PTPRM: variants seen among roughly 807,000 people sequenced by gnomAD.
PTPRM encodes the protein protein tyrosine phosphatase receptor type M.
In PTPRM, 47 loss-of-function variants were observed where a neutral mutation model predicts 186.7. That is an observed-to-expected ratio of 0.25 (90% CI 0.20 to 0.32). PTPRM has a LOEUF of 0.32. PTPRM is among the 10% of genes least tolerant of loss of function. The probability of loss-of-function intolerance (pLI) is 1.00; values close to 1 mark genes in which losing one functional copy is unlikely to be tolerated. For synonymous variants in PTPRM, 668 were observed against 674.9 expected (o/e 0.99, Z 0.16); for missense variants, 1,494 against 1,865.0 (o/e 0.80, Z 3.66).
rs1020702540 is a variant in PTPRM, at chr18:7,894,580, C to T, written c.468+6203C>T. Among the ~76,000 whole-genome samples, 29 of 151,428 alleles carry T rather than the reference C, an allele frequency of 1.9e-4. 1 individual carries two copies. The highest frequency in any genetic ancestry group is 1.8e-3 in the Admixed American group (28 of 15,204). On this transcript the variant is annotated intron_variant, in intron 3 of 32. Coordinates refer to ENST00000580170, the MANE Select transcript of PTPRM (RefSeq NM_001105244.2). ...CAGCCTAGGGGGCAGAGCAAGACTC[C>T]GTCTCAGGAAAAATATATATATATA... is the stretch of plus-strand genomic sequence containing the variant.
intron 4 of PTPRM, among the ~76,000 whole-genome samples, chr18:7,919,153 T>C (rs2050722541): frequency 6.6e-6 from 1 of 152,148 alleles, no homozygotes; most frequent in Non-Finnish European, 1.5e-5. Flanking sequence ...TTGATCTATG[T>C]GTCTGTTTTT....
chr18:7,703,917 T>A (rs1457831853), intron 1 of PTPRM, among the ~76,000 whole-genome samples: 1 of 152,200 alleles, frequency 6.6e-6, no homozygotes, highest in Admixed American at 6.5e-5. Flanking sequence ...TTTTTCTGCA[T>A]CTTTTGATAT....
chr18:8,048,062 G>A (rs903971152), intron 7 of PTPRM, among the ~76,000 whole-genome samples: 1 of 152,114 alleles, frequency 6.6e-6, no homozygotes, highest in African/African-American at 2.4e-5. Flanking sequence ...CATTGCCTTT[G>A]TATTTTTTAA....
chr18:8,092,889 T>C (rs2090822654), intron 11 of PTPRM, among the ~76,000 whole-genome samples: 1 of 152,146 alleles, frequency 6.6e-6, no homozygotes, highest in African/African-American at 2.4e-5. Context: ...TAGGCATGGT[T>C]GTGTGTGCCT....
chr18:7,770,626 G>A (rs1387414956), intron 1 of PTPRM, among the ~76,000 whole-genome samples: 2 of 152,204 alleles, frequency 1.3e-5, no homozygotes, highest in Non-Finnish European at 2.9e-5. Context: ...GGGAGACTAA[G>A]TGATTTGTCT....
intron 1 of PTPRM, among the ~76,000 whole-genome samples, chr18:7,770,306 G>T (rs542233801): frequency 6.6e-6 from 1 of 152,138 alleles, no homozygotes; most frequent in East Asian, 1.9e-4. Context: ...CCTGTTCTTG[G>T]CACTTCCATG....
At chr18:7,793,874 A>G (rs2043465027) in intron 2 of PTPRM, among the ~76,000 whole-genome samples, 1 of 152,014 alleles carries the variant, frequency 6.6e-6, no homozygotes, top group African/African-American at 2.4e-5. Context: ...CTGGACATCG[A>G]GGGGAAAACA....
chr18:8,135,216 A>G (rs1178986298), intron 13 of PTPRM, among the ~76,000 whole-genome samples: 2 of 152,160 alleles, frequency 1.3e-5, no homozygotes, highest in East Asian at 3.8e-4. Flanking sequence ...TGATTCCACC[A>G]CGTTTGCCTC....
rs75390237 is a variant in PTPRM, at chr18:8,144,237, A to G, written c.2300+458A>G. ...CGTGCTAGGGAAGGTCATCAGCACA[A>G]CATCCATGAGAAAGAGAACCCGCAA... is the stretch of plus-strand genomic sequence containing the variant. On this transcript the variant is annotated intron_variant, in intron 14 of 32. Transcript: ENST00000580170. Among the ~76,000 whole-genome samples, 242 of 152,342 alleles carry G rather than the reference A, an allele frequency of 1.6e-3. 1 individual carries two copies. In the East Asian group the frequency reaches 0.039, roughly 25 times the overall value.
chr18:8,318,912 G>A (rs890530866), intron 21 of PTPRM, among the ~76,000 whole-genome samples: 1 of 152,210 alleles, frequency 6.6e-6, no homozygotes, highest in African/African-American at 2.4e-5. Flanking sequence ...GAATCCATAA[G>A]TTGTTAGTGT....
intron 32 of PTPRM, among the ~76,000 whole-genome samples, chr18:8,401,208 A>G (rs2095870577): frequency 6.6e-6 from 1 of 151,908 alleles, no homozygotes; most frequent in Non-Finnish European, 1.5e-5. Context: ...GCCCTCTCCA[A>G]CCTAGGGGAG....
chr18:7,673,859 G>T (rs1737608995), intron 1 of PTPRM, among the ~76,000 whole-genome samples: 1 of 152,222 alleles, frequency 6.6e-6, no homozygotes, highest in South Asian at 2.1e-4. Flanking sequence ...GGGACACTGG[G>T]GTGAGCCACA....
intron 1 of PTPRM, among the ~76,000 whole-genome samples, chr18:7,752,014 A>T (rs1211147622): frequency 2.0e-5 from 3 of 152,260 alleles, no homozygotes; most frequent in Non-Finnish European, 2.9e-5. Flanking sequence ...CCCCAACCAA[A>T]TTAGGTTGCC....
At chr18:7,818,650 C>A (rs911112523) in intron 2 of PTPRM, among the ~76,000 whole-genome samples, 2 of 152,170 alleles carry the variant, frequency 1.3e-5, no homozygotes, top group Admixed American at 1.3e-4. Flanking sequence ...TTTGCTCCCC[C>A]AAAATGGAAG....
chr18:7,956,796 C>T (rs7240582), intron 7 of PTPRM, among the ~76,000 whole-genome samples: 42,352 of 152,098 alleles, frequency 0.28, 7,659 homozygotes, highest in African/African-American at 0.52. Context: ...TTTTATCTTA[C>T]CATTTGTTGC....
At chr18:8,175,488 A>C (rs1368516720) in intron 14 of PTPRM, among the ~76,000 whole-genome samples, 1 of 152,202 alleles carries the variant, frequency 6.6e-6, no homozygotes, top group Non-Finnish European at 1.5e-5. Flanking sequence ...TTATATCCAG[A>C]AGGTACTGTT....
chr18:7,689,931 T>C (rs1392866087), intron 1 of PTPRM, among the ~76,000 whole-genome samples: 7 of 152,258 alleles, frequency 4.6e-5, no homozygotes, highest in Admixed American at 2.0e-4. Flanking sequence ...CTCATTGCTC[T>C]ATTTACATTA....
intron 20 of PTPRM, among the ~76,000 whole-genome samples, chr18:8,311,486 T>C (rs59955384): frequency 0.024 from 3,616 of 152,184 alleles, 167 homozygotes; most frequent in African/African-American, 0.083. Flanking sequence ...CTCTGTGCTG[T>C]GAATGGAGTC....
At chr18:8,400,373 C>A (rs566475654) in intron 32 of PTPRM, among the ~76,000 whole-genome samples, 1 of 152,222 alleles carries the variant, frequency 6.6e-6, no homozygotes, top group African/African-American at 2.4e-5. Context: ...CTGCTCTAGA[C>A]GCAGTATCAG....
Sources: allele counts gnomAD v4.1 joint callset (sites outside exome capture counted in the v4.1 genomes callset), GRCh38; gene constraint gnomAD v4.1.1; transcripts MANE v1.5; gene names NCBI Gene and HGNC (gene_info 2026-07-23, HGNC 2026-07-21).